Variants in SLC7A7 observed in about 807,000 individuals in gnomAD.
SLC7A7 encodes solute carrier family 7 member 7.
Under a neutral mutation model 47.9 loss-of-function variants are expected in SLC7A7, and 39 were observed. That is an observed-to-expected ratio of 0.81 (90% CI 0.63 to 1.06). SLC7A7 has a LOEUF of 1.06. Among genes scored for constraint, SLC7A7 ranks in the 50% least tolerant of loss-of-function variants. SLC7A7 has a pLI of 0.00. For missense variants in SLC7A7, 588 were observed against 632.0 expected (o/e 0.93, Z 0.75); for synonymous variants, 234 against 242.8 (o/e 0.96, Z 0.34).
chr14:22,817,052 A>G (rs1341009190), upstream of SLC7A7, among the ~76,000 whole-genome samples: 6 of 150,918 alleles, frequency 4.0e-5, no homozygotes, highest in African/African-American at 1.5e-4. Flanking sequence ...GAGCTCATAT[A>G]CTCTTAATCA....
At chr14:22,798,370 T>C (rs2039054100) in intron 2 of SLC7A7, among the ~76,000 whole-genome samples, 1 of 152,062 alleles carries the variant, frequency 6.6e-6, no homozygotes, top group Non-Finnish European at 1.5e-5. Context: ...CTGAGGCTAA[T>C]AAATTTGACC....
chr14:22,773,732 T>C lies in SLC7A7; in HGVS notation c.1430-16A>G. ...GTGGCAGACCCTACAAAGAGAACTT[T>C]GAGTTGGAATTGAGAAGAGGTCAGC... is the stretch of plus-strand genomic sequence containing the variant. On this transcript the variant is annotated splice_polypyrimidine_tract_variant and intron_variant, in intron 9 of 9. Transcript: ENST00000674313. The C allele has an allele frequency of 6.2e-7, 1 of 1,612,926 alleles. No individual in the cohort carries two copies. The highest frequency in any genetic ancestry group is 8.5e-7 in the Non-Finnish European group (1 of 1,179,000).
At chr14:22,777,271 C>T (rs561271154) in intron 4 of SLC7A7, among the ~76,000 whole-genome samples, 7 of 151,956 alleles carry the variant, frequency 4.6e-5, no homozygotes, top group Non-Finnish European at 7.4e-5. Context: ...TGTCAGGATT[C>T]CATCTCTAAG....
intron 2 of SLC7A7, among the ~76,000 whole-genome samples, chr14:22,788,293 A>G (rs2038856153): frequency 6.6e-6 from 1 of 152,142 alleles, no homozygotes; most frequent in African/African-American, 2.4e-5. Flanking sequence ...CTAACAATCT[A>G]ATGATGCTAT....
Position 22,774,447 on chromosome 14 carries a change from G to A in SLC7A7, c.1152C>T (p.Tyr384=), listed in dbSNP as rs1369336171. The A allele has an allele frequency of 6.2e-7, 1 of 1,614,038 alleles. No homozygotes were observed. Among genetic ancestry groups the A allele is most frequent in the Non-Finnish European group, 8.5e-7 (1 of 1,180,040 alleles). The change falls in exon 8 of 10, where the codon TAC becomes TAT. Residue 384 remains tyrosine, a synonymous_variant. Transcript: ENST00000674313. ...CAAAGAACCAGTAGCTGAAGCTGTA[G>A]TAGTTAATGAGCTGGAAGATGTCTT... ...CVEDIFQLIN[Y]YSFSYWFFVG...
chr14:22,785,684 C>T (rs1347207996), intron 2 of SLC7A7, among the ~76,000 whole-genome samples: 1 of 145,626 alleles, frequency 6.9e-6, no homozygotes, highest in Non-Finnish European at 1.5e-5. Context: ...ACTGAGATCT[C>T]GCCATTGCAC....
chr14:22,806,165 A>G (rs1254642216), intron 2 of SLC7A7, among the ~76,000 whole-genome samples: 1 of 136,674 alleles, frequency 7.3e-6, no homozygotes, highest in Non-Finnish European at 1.6e-5. Flanking sequence ...GTAAACTGAC[A>G]TTATCATTCA....
rs1182718342 is a variant in SLC7A7, at chr14:22,774,506, G to A, written c.1096-3C>T. ...AAGTAGATCAATGCCATGATACCCT[G>A]TAAGCGTGAGCCTAAGTCAGCTCTT... On this transcript the variant is annotated splice_polypyrimidine_tract_variant and splice_region_variant and intron_variant, in intron 7 of 9. Transcript: ENST00000674313. 1.2e-6 allele frequency: 2 copies of A among 1,614,056 alleles called. No homozygotes were observed. The highest frequency in any genetic ancestry group is 2.7e-5 in the African/African-American group (2 of 74,920).
At chr14:22,815,113 C>G (rs1456763043) in intron 1 of SLC7A7, 4 of 349,426 alleles carry the variant, frequency 1.1e-5, no homozygotes, top group African/African-American at 2.1e-5. Context: ...CGAGCCAAGG[C>G]AGGGAGACAG....
At chr14:22,789,978 A>G (rs1206668646) in intron 2 of SLC7A7, among the ~76,000 whole-genome samples, 1 of 152,080 alleles carries the variant, frequency 6.6e-6, no homozygotes, top group Non-Finnish European at 1.5e-5. Flanking sequence ...TGAGATGATA[A>G]ATTTGTGTTG....
Position 22,773,224 on chromosome 14 carries a change from T to C in SLC7A7, c.*386A>G, listed in dbSNP as rs188480200. The C allele has an allele frequency of 1.3e-5, 5 of 391,044 alleles. No homozygotes were observed. The highest frequency in any genetic ancestry group is 8.8e-4 in the Middle Eastern group (1 of 1,130). The allele number at this position is 391,044 out of a possible 1,614,324, so 24.2% of individuals were successfully genotyped here. A position where few individuals can be genotyped will look rare whatever the true frequency, so the allele number is the denominator to read the frequency against. ...ATATAAAATGAAGCCACTCAGACTT[T>C]AGGAACATAAACTTTTATTGTCATC... On this transcript the variant is annotated 3_prime_UTR_variant, in exon 10 of 10. Coordinates refer to ENST00000674313, the MANE Select transcript of SLC7A7 (RefSeq NM_003982.4).
At chr14:22,784,391 G>A (rs2038775695) in intron 2 of SLC7A7, among the ~76,000 whole-genome samples, 1 of 152,184 alleles carries the variant, frequency 6.6e-6, no homozygotes, top group Admixed American at 6.5e-5. Flanking sequence ...AGGCCGAGGT[G>A]GACAGATCAC....
chr14:22,802,277 C>T (rs1288393232), intron 2 of SLC7A7, among the ~76,000 whole-genome samples: 1 of 152,076 alleles, frequency 6.6e-6, no homozygotes, highest in Non-Finnish European at 1.5e-5. Flanking sequence ...GTGACATGCA[C>T]CTGTAGTCCC....
At chr14:22,807,395 T>G (rs1457481320) in intron 2 of SLC7A7, among the ~76,000 whole-genome samples, 1 of 152,050 alleles carries the variant, frequency 6.6e-6, no homozygotes, top group East Asian at 1.9e-4. Flanking sequence ...ATTTCACTAG[T>G]CCCCATACCC....
In SLC7A7 at chr14:22,815,335, A is replaced by G. The variant is rs1350987765; in HGVS notation, c.-58T>C. 2.2e-6 allele frequency: 1 copy of G among 454,522 alleles called. No homozygotes were observed. Among genetic ancestry groups the G allele is most frequent in the Non-Finnish European group, 4.4e-6 (1 of 226,748 alleles). 28.2% of individuals were successfully genotyped at this position (454,522 alleles called of 1,614,324 possible). On this transcript the variant is annotated 5_prime_UTR_variant, in exon 1 of 10. Transcript: ENST00000674313. Reference sequence around the variant, plus strand: ...GCACACTCACTCCTTGGTCCTGGATATAAGCAGGTTCTCACGGCAGTGTGA... The same window carrying G: ...GCACACTCACTCCTTGGTCCTGGATGTAAGCAGGTTCTCACGGCAGTGTGA...
intron 4 of SLC7A7, among the ~76,000 whole-genome samples, chr14:22,776,871 A>C (rs2038619035): frequency 6.6e-6 from 1 of 152,104 alleles, no homozygotes; most frequent in African/African-American, 2.4e-5. Context: ...CAGGAGGCTG[A>C]GGTACGAGAA....
upstream of SLC7A7, among the ~76,000 whole-genome samples, chr14:22,818,589 T>TG (rs2039437365): frequency 7.0e-6 from 1 of 143,398 alleles, no homozygotes; most frequent in African/African-American, 2.7e-5. Flanking sequence ...TTTGGTTTTT[T>TG]TTTTTTTTTG....
chr14:22,812,707 G>A (rs1046722180), intron 2 of SLC7A7, among the ~76,000 whole-genome samples, 193 bp downstream of exon 2: 2 of 149,122 alleles, frequency 1.3e-5, no homozygotes, highest in Non-Finnish European at 3.0e-5. Context: ...AGAAGCTGGG[G>A]AAAAGGTGAG....
rs2138664033 is a variant in SLC7A7 at position 22,813,333 on chromosome 14, A to G, written c.66T>C (p.Asp22=). 1 of 1,614,098 alleles carries G rather than the reference A, an allele frequency of 6.2e-7. No individual in the cohort carries two copies. The highest frequency in any genetic ancestry group is 2.2e-5 in the East Asian group (1 of 44,886). The change falls in exon 2 of 10, where the codon GAT becomes GAC. Residue 22 remains aspartate, a synonymous_variant. Coordinates refer to ENST00000674313, the MANE Select transcript of SLC7A7 (RefSeq NM_003982.4). ...CCTGCTCCGGCCCTGGGCTGGCCCC[A>G]TCACCCAAAGGGGAGGTTTCCACCT... ...QPEVETSPLG[D]GASPGPEQVK...
Sources: gnomAD v4.1 joint callset for allele counts (sites outside exome capture counted in the v4.1 genomes callset) on GRCh38, gnomAD v4.1.1 for gene constraint, MANE v1.5 for transcripts, NCBI Gene and HGNC (gene_info 2026-07-23, HGNC 2026-07-21) for gene names.